The following AP2A2 variants were observed in gnomAD, a reference collection of about 807,000 sequenced individuals.
The protein encoded by AP2A2 is adaptor related protein complex 2 subunit alpha 2, also known as AP-2 complex subunit alpha-2.
A neutral mutation model predicts 104.2 loss-of-function variants in AP2A2; 32 were observed. That is an observed-to-expected ratio of 0.31 (90% CI 0.23 to 0.41). The LOEUF is 0.41. Ranked by LOEUF, AP2A2 falls within the 10% of genes least tolerant of loss-of-function variation. AP2A2 has a pLI of 1.00. For synonymous variants in AP2A2, 539 were observed against 533.3 expected, an observed-to-expected ratio of 1.01 and a Z score of -0.15; for missense variants, 912 against 1,261.0, an observed-to-expected ratio of 0.72 and a Z score of 4.19.
rs116727761 is a variant in AP2A2, at chr11:935,295, G to A, written c.67+9207G>A. Among the ~76,000 whole-genome samples, 479 of 152,212 alleles carry A rather than the reference G, an allele frequency of 3.1e-3. 4 individuals carry two copies. Among genetic ancestry groups the A allele is most frequent in the African/African-American group, 0.011 (461 of 41,538 alleles). ...AATGGTCTTGATCTCTTGACCTTGT[G>A]ATCCGCTAGCCTCGGCCTCCCAAAA... On this transcript the variant is annotated intron_variant, in intron 1 of 21. Transcript: ENST00000448903.
intron 16 of AP2A2, 72 bp downstream of exon 16, chr11:1,003,876 C>A: frequency 2.0e-6 from 2 of 1,020,780 alleles, no homozygotes; most frequent in Non-Finnish European, 2.9e-6. Context: ...ATTTGCAAAT[C>A]ATATACTTAT....
At position 993,775 on chromosome 11, in the gene AP2A2, G is replaced by A. The variant is rs371130686; in HGVS notation, c.1572G>A (p.Leu524=). 2 of 1,602,188 alleles carry A rather than the reference G, an allele frequency of 1.2e-6. No individual in the cohort carries two copies. The highest frequency in any genetic ancestry group is 1.7e-5 in the Admixed American group (1 of 59,144). ...CCAGCCCGCTGATCCAGTTCCACCT[G>A]CTGCACTCCAAGTTCCACCTGTGCA... ...PRSSPLIQFH[L]LHSKFHLCSV... The change falls in exon 13 of 22, where the codon CTG becomes CTA. Residue 524 remains leucine (L), a synonymous_variant. Coordinates refer to ENST00000448903, the MANE Select transcript of AP2A2 (RefSeq NM_012305.4). This position sits in a 1 kb window ranked among gnomAD's most constrained non-coding sequence, Gnocchi z 8.2.
chr11:952,180 A>G (rs997762836), intron 1 of AP2A2, among the ~76,000 whole-genome samples: 1 of 152,222 alleles, frequency 6.6e-6, no homozygotes, highest in Non-Finnish European at 1.5e-5. Context: ...AAATCACTTT[A>G]TATACAGACT....
intron 1 of AP2A2, among the ~76,000 whole-genome samples, chr11:929,841 G>C (rs553222488): frequency 4.3e-4 from 65 of 152,168 alleles, no homozygotes; most frequent in African/African-American, 1.5e-3. Flanking sequence ...CCTGGTGCCA[G>C]CCGGGTGCGG....
intron 15 of AP2A2, among the ~76,000 whole-genome samples, chr11:1,002,580 G>A (rs1011886369): frequency 1.3e-5 from 2 of 152,276 alleles, no homozygotes; most frequent in Non-Finnish European, 1.5e-5. Context: ...GCAGGCTGGA[G>A]TGGGGCATTG....
intron 4 of AP2A2, among the ~76,000 whole-genome samples, chr11:973,666 A>C (rs1361634588): frequency 6.6e-6 from 1 of 151,442 alleles, no homozygotes; most frequent in African/African-American, 2.4e-5. Context: ...GGCTCGAATG[A>C]TCACAGGGCG....
intron 8 of AP2A2, among the ~76,000 whole-genome samples, chr11:985,914 G>A (rs1412377153): frequency 6.6e-6 from 1 of 152,234 alleles, no homozygotes; most frequent in African/African-American, 2.4e-5. Flanking sequence ...CGCATGTCCC[G>A]TGGCTTTGCT....
At chr11:939,001 C>T (rs1377783570) in intron 1 of AP2A2, among the ~76,000 whole-genome samples, 1 of 151,886 alleles carries the variant, frequency 6.6e-6, no homozygotes, top group African/African-American at 2.4e-5. Context: ...CGCCTGTAAT[C>T]CTAGCACTTT....
Position 968,729 on chromosome 11 carries a change from C to T in AP2A2, c.137-1440C>T, listed in dbSNP as rs767727831. 6.6e-6 allele frequency among the ~76,000 whole-genome samples: 1 copy of T among 150,716 alleles called. No individual in the cohort carries two copies. Among genetic ancestry groups the T allele is most frequent in the South Asian group, 2.1e-4 (1 of 4,786 alleles). On this transcript the variant is annotated intron_variant, in intron 2 of 21. Coordinates refer to ENST00000448903, the MANE Select transcript of AP2A2 (RefSeq NM_012305.4). This position sits in a 1 kb window ranked among gnomAD's most constrained non-coding sequence, Gnocchi z 4.2. ...TGTGTGCCCTCCTGCACAAACAGGGCACGGAGAACGTGTCTGCTGGGACCC... is the reference window on the plus strand; with the variant it reads ...TGTGTGCCCTCCTGCACAAACAGGGTACGGAGAACGTGTCTGCTGGGACCC...
chr11:966,245 C>T (rs1176638164), intron 2 of AP2A2, among the ~76,000 whole-genome samples: 1 of 152,338 alleles, frequency 6.6e-6, no homozygotes, highest in Admixed American at 6.5e-5. Context: ...ATAATCCTAG[C>T]ACTTTGGGAG....
intron 2 of AP2A2, among the ~76,000 whole-genome samples, chr11:961,930 C>G (rs1854455027): frequency 1.4e-5 from 2 of 147,932 alleles, no homozygotes; most frequent in South Asian, 4.3e-4. Flanking sequence ...TCGCCGCCAC[C>G]AGTGAAAAGT....
intron 1 of AP2A2, among the ~76,000 whole-genome samples, chr11:958,901 G>A (rs1261318223): frequency 6.6e-6 from 1 of 152,208 alleles, no homozygotes; most frequent in Non-Finnish European, 1.5e-5. Context: ...GCTGAGTCTT[G>A]AAGGATGCGT....
chr11:926,433 C>T (rs888114115), intron 1 of AP2A2, among the ~76,000 whole-genome samples: 13 of 151,898 alleles, frequency 8.6e-5, no homozygotes, highest in East Asian at 7.8e-4. Context: ...GGGTTTAGGG[C>T]ACGGCCCTTC....
At chr11:963,251 C>T (rs764855159) in intron 2 of AP2A2, among the ~76,000 whole-genome samples, 5 of 151,900 alleles carry the variant, frequency 3.3e-5, no homozygotes, top group Non-Finnish European at 7.4e-5. Context: ...CATGGTGAAA[C>T]CCCGTGTCTA....
At chr11:987,952 A>G (rs1217707952) in intron 9 of AP2A2, among the ~76,000 whole-genome samples, 1 of 152,222 alleles carries the variant, frequency 6.6e-6, no homozygotes, top group Non-Finnish European at 1.5e-5. Context: ...GGCATTTGGT[A>G]TTCTGGATTC....
chr11:941,786 C>T lies in AP2A2; in HGVS notation c.67+15698C>T, dbSNP rs544513999. Among the ~76,000 whole-genome samples, 4 of 151,168 alleles carry T rather than the reference C, an allele frequency of 2.6e-5. No homozygotes were observed. The South Asian group carries it at 8.4e-4, about 32-fold the overall frequency. ...TATTTTTAGTAGACATGGGGTTTTGCCATGTGGCTAGGCTGGTGTTGAACT... is the reference window on the plus strand; with the variant it reads ...TATTTTTAGTAGACATGGGGTTTTGTCATGTGGCTAGGCTGGTGTTGAACT... On this transcript the variant is annotated intron_variant, in intron 1 of 21. Transcript: ENST00000448903.
chr11:948,088 C>G (rs982700564), intron 1 of AP2A2, among the ~76,000 whole-genome samples: 12 of 152,122 alleles, frequency 7.9e-5, no homozygotes, highest in Non-Finnish European at 1.8e-4. Context: ...AATCATTAAC[C>G]TGTGTTTCAC....
chr11:987,096 A>G (rs536232392), intron 9 of AP2A2, 143 bp downstream of exon 9: 40 of 1,030,770 alleles, frequency 3.9e-5, no homozygotes, highest in Middle Eastern at 2.1e-4. Context: ...CCTGTCACCT[A>G]CTCTTGGGAG....
intron 1 of AP2A2, among the ~76,000 whole-genome samples, chr11:946,062 G>C (rs1853821543): frequency 6.6e-6 from 1 of 152,206 alleles, no homozygotes. Context: ...TGAGGCCTCT[G>C]TAATCCAATC....
Sources: gnomAD v4.1 joint callset for allele counts (sites outside exome capture counted in the v4.1 genomes callset) on GRCh38, gnomAD v4.1.1 for gene constraint, Gnocchi (gnomAD v3.1) non-coding constraint, MANE v1.5 for transcripts, NCBI Gene and HGNC (gene_info 2026-07-23, HGNC 2026-07-21) for gene names.